Variants in RBFOX1 observed in about 807,000 individuals in gnomAD.
RBFOX1 encodes the protein RNA binding protein fox-1 homolog 1.
RBFOX1 carries 8 observed loss-of-function variants against 57.7 expected under a neutral mutation model. The observed-to-expected ratio is 0.14, with a 90% CI of 0.08 to 0.25. The LOEUF is 0.25. RBFOX1 is among the 10% of genes least tolerant of loss of function. The pLI is 1.00. For missense variants in RBFOX1, 611 were observed against 548.5 expected (o/e 1.11, Z -1.14); for synonymous variants, 326 against 222.4 (o/e 1.47, Z -4.15).
At chr16:5,536,331 T>C in intron 2 of RBFOX1, among the ~76,000 whole-genome samples, 1 of 149,122 alleles carries the variant, frequency 6.7e-6, no homozygotes, top group African/African-American at 2.5e-5. Context: ...TCCTGCTGGG[T>C]TCAAGCGATT....
chr16:5,361,534 G>T (rs184906374), intron 1 of RBFOX1, among the ~76,000 whole-genome samples: 1 of 152,334 alleles, frequency 6.6e-6, no homozygotes, highest in East Asian at 1.9e-4. Context: ...ACAGGCCCCA[G>T]TAAGATATAA....
intron 11 of RBFOX1, among the ~76,000 whole-genome samples, chr16:7,639,600 A>C (rs2062408646): frequency 6.6e-6 from 1 of 152,126 alleles, no homozygotes; most frequent in African/African-American, 2.4e-5. Flanking sequence ...TAACAGACAA[A>C]TATATATAAT....
chr16:6,177,645 C>A (rs1161027769), intron 1 of RBFOX1, among the ~76,000 whole-genome samples: 1 of 152,090 alleles, frequency 6.6e-6, no homozygotes, highest in Non-Finnish European at 1.5e-5. Context: ...TATAAAGATG[C>A]TCAAATGAAC....
intron 14 of RBFOX1, among the ~76,000 whole-genome samples, chr16:7,690,646 G>T (rs999169476): frequency 1.4e-5 from 2 of 146,318 alleles, no homozygotes; most frequent in African/African-American, 5.1e-5. Flanking sequence ...CCACTGTCCA[G>T]AATATACCTG....
chr16:7,414,203 G>A (rs530231045), intron 4 of RBFOX1, among the ~76,000 whole-genome samples: 1 of 152,344 alleles, frequency 6.6e-6, no homozygotes, highest in South Asian at 2.1e-4. Context: ...CACCAAGATG[G>A]GATTGCAGGT....
chr16:6,933,452 C>T (rs543064258), intron 3 of RBFOX1, among the ~76,000 whole-genome samples: 1 of 152,226 alleles, frequency 6.6e-6, no homozygotes, highest in Non-Finnish European at 1.5e-5. Context: ...GTGGCTCATG[C>T]CTGTAATCCC....
chr16:7,430,059 C>T (rs995663777), intron 4 of RBFOX1, among the ~76,000 whole-genome samples: 1 of 152,178 alleles, frequency 6.6e-6, no homozygotes, highest in Non-Finnish European at 1.5e-5. Context: ...ACAGAGAGTA[C>T]ATGCTCAAAA....
intron 3 of RBFOX1, among the ~76,000 whole-genome samples, chr16:6,945,286 G>A (rs1346310458): frequency 6.6e-6 from 1 of 152,134 alleles, no homozygotes; most frequent in Non-Finnish European, 1.5e-5. Context: ...TGTTATGATG[G>A]TGAGAATGTG....
At chr16:7,386,204 A>C (rs1008136962) in intron 4 of RBFOX1, among the ~76,000 whole-genome samples, 10 of 152,048 alleles carry the variant, frequency 6.6e-5, no homozygotes, top group Non-Finnish European at 1.5e-4. Flanking sequence ...GCATCCCCCA[A>C]GTTCTTTCCT....
chr16:7,101,457 G>A (rs1392294124), intron 4 of RBFOX1, among the ~76,000 whole-genome samples: 2 of 152,188 alleles, frequency 1.3e-5, no homozygotes, highest in African/African-American at 4.8e-5. Context: ...ATGTATGCGT[G>A]AGATTAGAGA....
intron 1 of RBFOX1, among the ~76,000 whole-genome samples, chr16:6,131,069 T>C (rs1001636284): frequency 1.3e-5 from 2 of 152,200 alleles, no homozygotes; most frequent in Non-Finnish European, 2.9e-5. Context: ...ACTCTATGTT[T>C]CCATTTATAT....
chr16:7,420,940 C>T (rs9934576), intron 4 of RBFOX1, among the ~76,000 whole-genome samples: 2,764 of 145,234 alleles, frequency 0.019, 89 homozygotes, highest in African/African-American at 0.067. Context: ...TATATATATA[C>T]ACACACACAC....
At chr16:6,003,696 G>A (rs967914879) in intron 4 of RBFOX1, among the ~76,000 whole-genome samples, 2 of 152,224 alleles carry the variant, frequency 1.3e-5, no homozygotes, top group African/African-American at 4.8e-5. Context: ...TAGGCCTGGG[G>A]CCTTGGCCAA....
At chr16:6,118,683 C>CCTTCCTTT (rs1013470140) in intron 1 of RBFOX1, among the ~76,000 whole-genome samples, 1 of 148,944 alleles carries the variant, frequency 6.7e-6, no homozygotes, top group Non-Finnish European at 1.5e-5. Context: ...CTTCTTCCTT[C>CCTTCCTTT]CTTCCTTTCT....
chr16:6,207,690 ATTTTATT>A (rs2097264175), intron 1 of RBFOX1, among the ~76,000 whole-genome samples: 1 of 151,874 alleles, frequency 6.6e-6, no homozygotes, highest in Admixed American at 6.6e-5. Context: ...ATTTTATTTT[ATTTTATT>A]TATTTTTTGA....
chr16:6,774,045 T>G, intron 3 of RBFOX1: 1 of 962,740 alleles, frequency 1.0e-6, no homozygotes, highest in South Asian at 4.8e-5. Context: ...TACCTGTAAA[T>G]GCTCATTGGC....
intron 3 of RBFOX1, among the ~76,000 whole-genome samples, chr16:6,700,485 C>G (rs79429962): frequency 2.6e-5 from 4 of 152,092 alleles, no homozygotes; most frequent in Middle Eastern, 3.4e-3. Flanking sequence ...TGGTGAAACC[C>G]TGTCTCTACT....
chr16:7,205,363 C>A (rs1294802414), intron 4 of RBFOX1, among the ~76,000 whole-genome samples: 3 of 151,560 alleles, frequency 2.0e-5, no homozygotes, highest in Non-Finnish European at 4.4e-5. Context: ...ACTAAAAATA[C>A]AAAAATTAGC....
intron 1 of RBFOX1, among the ~76,000 whole-genome samples, chr16:6,026,701 G>T (rs931580321): frequency 2.0e-5 from 3 of 152,262 alleles, no homozygotes; most frequent in African/African-American, 7.2e-5. Flanking sequence ...AGCCTCGCTA[G>T]ATTTCTGCAC....
Sources: gnomAD v4.1 joint callset for allele counts (sites outside exome capture counted in the v4.1 genomes callset) on GRCh38, gnomAD v4.1.1 for gene constraint, MANE v1.5 for transcripts, NCBI Gene and HGNC (gene_info 2026-07-23, HGNC 2026-07-21) for gene names.